The following PSTPIP1 variants were observed in gnomAD, a reference collection of about 807,000 sequenced individuals.
The protein encoded by PSTPIP1 is proline-serine-threonine phosphatase interacting protein 1, also known as proline-serine-threonine phosphatase-interacting protein 1.
PSTPIP1 carries 66 observed loss-of-function variants against 69.6 expected under a neutral mutation model. That is an observed-to-expected ratio of 0.95 (90% CI 0.78 to 1.16). The LOEUF (loss-of-function observed/expected upper bound fraction) is 1.16, where lower values mean the gene tolerates loss of function less well. Among genes scored for constraint, PSTPIP1 ranks in the 50% most tolerant of loss-of-function variants. The probability of loss-of-function intolerance (pLI) is 0.00; values close to 1 mark genes in which losing one functional copy is unlikely to be tolerated. For synonymous variants in PSTPIP1, 266 were observed against 222.7 expected, an observed-to-expected ratio of 1.19 and a Z score of -1.73; for missense variants, 603 against 557.4, an observed-to-expected ratio of 1.08 and a Z score of -0.82.
intron 6 of PSTPIP1, 32 bp from the exon 7 acceptor site, chr15:77,028,522 A>G (rs1302263977): frequency 7.8e-6 from 12 of 1,542,602 alleles, no homozygotes; most frequent in Non-Finnish European, 1.1e-5. Context: ...AGGGCTGTGC[A>G]GCCCCCAAGT....
intron 12 of PSTPIP1, 124 bp from the exon 13 acceptor site, chr15:77,035,384 G>A: frequency 2.0e-6 from 2 of 1,023,848 alleles, no homozygotes; most frequent in Non-Finnish European, 1.5e-6. Context: ...CTGGAGGCTA[G>A]GGGCAGTCCC....
intron 3 of PSTPIP1, among the ~76,000 whole-genome samples, chr15:77,018,890 G>C (rs1431683600): frequency 6.6e-6 from 1 of 152,150 alleles, no homozygotes; most frequent in Non-Finnish European, 1.5e-5. Flanking sequence ...CTCAGCATGG[G>C]CTTCAAGGAT....
At chr15:76,998,842 A>C (rs969291765) in intron 1 of PSTPIP1, among the ~76,000 whole-genome samples, 1 of 152,210 alleles carries the variant, frequency 6.6e-6, no homozygotes, top group African/African-American at 2.4e-5. Context: ...GTTCAGATGC[A>C]CGCTGCTGTA....
chr15:77,013,218 C>T (rs2075981320), intron 1 of PSTPIP1, among the ~76,000 whole-genome samples: 1 of 152,188 alleles, frequency 6.6e-6, no homozygotes, highest in Non-Finnish European at 1.5e-5. Flanking sequence ...TGGAGCTTTC[C>T]CAGTCATCTT....
At position 77,027,658 on chromosome 15, in the gene PSTPIP1, T is replaced by G; in HGVS notation, c.355-194T>G. Reference sequence around the variant, plus strand: ...AGGACCTCACGGCACACCCATGCCCTGTGATTCTCTGTGGCCTTCCATTGT... The same window carrying G: ...AGGACCTCACGGCACACCCATGCCCGGTGATTCTCTGTGGCCTTCCATTGT... On this transcript the variant is annotated intron_variant, in intron 5 of 14. Coordinates refer to ENST00000558012, the MANE Select transcript of PSTPIP1 (RefSeq NM_003978.5). The surrounding 1 kb of genome is among the most constrained non-coding windows in gnomAD (Gnocchi z 4.3). 1 of 674,298 alleles carries G rather than the reference T, an allele frequency of 1.5e-6. No homozygotes were observed. The allele number at this position is 674,298 out of a possible 1,614,324, so 41.8% of individuals were successfully genotyped here. A position where few individuals can be genotyped will look rare whatever the true frequency, so the allele number is the denominator to read the frequency against.
chr15:77,029,522 TC>T lies in PSTPIP1; in HGVS notation c.517-5del. ...GGCTTAGCGCTGCTTCCCCTCTGTT[TC>T]CTCAGAGTCAGAACAAAGCCAGGCA... On this transcript the variant is annotated splice_region_variant and splice_polypyrimidine_tract_variant and intron_variant, in intron 7 of 14. Coordinates refer to ENST00000558012, the MANE Select transcript of PSTPIP1 (RefSeq NM_003978.5). 6.3e-7 allele frequency: 1 copy of T among 1,576,666 alleles called. No individual in the cohort carries two copies. Among genetic ancestry groups the T allele is most frequent in the Non-Finnish European group, 8.6e-7 (1 of 1,162,142 alleles).
intron 2 of PSTPIP1, 30 bp from the exon 3 acceptor site, chr15:77,018,427 A>G (rs1322790708): frequency 1.8e-5 from 28 of 1,559,412 alleles, no homozygotes; most frequent in Non-Finnish European, 2.2e-5. Flanking sequence ...CAAGTCACTG[A>G]TGATCTTTCA....
At chr15:77,026,797 C>T (rs895333575) in intron 5 of PSTPIP1, among the ~76,000 whole-genome samples, 1 of 152,228 alleles carries the variant, frequency 6.6e-6, no homozygotes, top group African/African-American at 2.4e-5. Flanking sequence ...TGAGCTGGGA[C>T]GTGCCCGCAG....
intron 11 of PSTPIP1, 63 bp from the exon 12 acceptor site, chr15:77,032,799 G>T: frequency 7.1e-7 from 1 of 1,405,118 alleles, no homozygotes; most frequent in Non-Finnish European, 9.7e-7. Flanking sequence ...CCCCAGCTGA[G>T]TCTGGCAGGG....
chr15:77,000,458 GAGATATAT>G (rs1377897959), intron 1 of PSTPIP1, among the ~76,000 whole-genome samples: 3,511 of 139,130 alleles, frequency 0.025, 65 homozygotes, highest in South Asian at 0.045. Context: ...CATTTAAAGA[GAGATATAT>G]ATATATATAT....
intron 3 of PSTPIP1, 133 bp downstream of exon 3, chr15:77,018,664 G>A (rs2076101521): frequency 3.1e-6 from 3 of 977,772 alleles, no homozygotes; most frequent in African/African-American, 1.7e-5. Flanking sequence ...GCTCCTTGGT[G>A]CCTGGTTATT....
Position 77,035,864 on chromosome 15 carries a change from G to A in PSTPIP1, c.1048G>A (p.Val350Met), listed in dbSNP as rs368482922. 1.4e-5 allele frequency: 23 copies of A among 1,610,824 alleles called. No homozygotes were observed. The highest frequency in any genetic ancestry group is 1.9e-5 in the Non-Finnish European group (23 of 1,179,682). The stretch of plus-strand genomic sequence containing the variant: ...TGAGGGTGTCTACACAGCCATCGCA[G>A]TGCAGGAGATACAGGGAAACCCGGC... ...RNEGVYTAIA[V>M]QEIQGNPASP... Residue 350 changes from valine to methionine, a missense_variant, in exon 14 of 15, where the codon GTG (valine) becomes ATG (methionine). Coordinates refer to ENST00000558012, the MANE Select transcript of PSTPIP1 (RefSeq NM_003978.5).
At chr15:77,000,890 G>A (rs756705059) in intron 1 of PSTPIP1, among the ~76,000 whole-genome samples, 9 of 151,866 alleles carry the variant, frequency 5.9e-5, no homozygotes, top group African/African-American at 1.5e-4. Context: ...AAATTGTAGC[G>A]AAATACACAT....
rs1045472754 is a variant in PSTPIP1 at position 77,000,460 on chromosome 15, G to GATATATATATATATAT, written c.36+4853_36+4868dup. Among the ~76,000 whole-genome samples, 161 of 141,714 alleles carry GATATATATATATATAT rather than the reference G, an allele frequency of 1.1e-3. 1 individual carries two copies. The highest frequency in any genetic ancestry group is 4.1e-3 in the African/African-American group (157 of 37,978). The allele number at this position is 141,714 out of a possible 152,430, so 93.0% of individuals were successfully genotyped here. ...GTTCCATCCTGGGCATTTAAAGAGA[G>GATATATATATATATAT]ATATATATATATATATACACACACA... is the stretch of plus-strand genomic sequence containing the variant. On this transcript the variant is annotated intron_variant, in intron 1 of 14. Coordinates refer to ENST00000558012, the MANE Select transcript of PSTPIP1 (RefSeq NM_003978.5).
chr15:77,008,111 T>C (rs984046402), intron 1 of PSTPIP1: 7 of 454,336 alleles, frequency 1.5e-5, no homozygotes, highest in Non-Finnish European at 3.1e-5. Context: ...CACAGAAGTC[T>C]GGATCAGTGT....
At chr15:77,015,169 T>A (rs1386473734) in intron 1 of PSTPIP1, among the ~76,000 whole-genome samples, 1 of 152,204 alleles carries the variant, frequency 6.6e-6, no homozygotes, top group Non-Finnish European at 1.5e-5. Flanking sequence ...GTGGAGATAA[T>A]TTGAGTAATC....
At chr15:77,000,747 G>T (rs1180684300) in intron 1 of PSTPIP1, among the ~76,000 whole-genome samples, 1 of 151,986 alleles carries the variant, frequency 6.6e-6, no homozygotes, top group Admixed American at 6.5e-5. Context: ...TCCCTGTGTT[G>T]CCCAGGCTGG....
chr15:77,031,388 C>G (rs538074631), intron 10 of PSTPIP1, 110 bp downstream of exon 10: 150 of 1,241,116 alleles, frequency 1.2e-4, no homozygotes, highest in Non-Finnish European at 1.6e-4. Context: ...GTGATCCAAG[C>G]CTGGCCCCAG....
chr15:77,033,731 G>C (rs2076478867), intron 12 of PSTPIP1, among the ~76,000 whole-genome samples: 1 of 152,146 alleles, frequency 6.6e-6, no homozygotes, highest in African/African-American at 2.4e-5. Context: ...CCCTTCCCAA[G>C]GACCAGCTCA....
Sources: allele counts gnomAD v4.1 joint callset (sites outside exome capture counted in the v4.1 genomes callset), GRCh38; gene constraint gnomAD v4.1.1; non-coding constraint Gnocchi (gnomAD v3.1); transcripts MANE v1.5; gene names NCBI Gene and HGNC (gene_info 2026-07-23, HGNC 2026-07-21).